The following FAM118B variants were observed in gnomAD, a reference collection of about 807,000 sequenced individuals.
The protein encoded by FAM118B is SIR2 antiphage like 1.
Under a neutral mutation model 38.5 loss-of-function variants are expected in FAM118B, and 24 were observed. The ratio of observed to expected loss-of-function variants is 0.62; its 90% CI spans 0.45 to 0.88. The LOEUF (loss-of-function observed/expected upper bound fraction) is 0.88. FAM118B is among the 40% of genes least tolerant of loss of function. The pLI is 0.00. For synonymous variants in FAM118B, 138 were observed against 156.3 expected, an observed-to-expected ratio of 0.88 and a Z score of 0.87; for missense variants, 334 against 420.0, an observed-to-expected ratio of 0.80 and a Z score of 1.79.
chr11:126,236,937 T>TA (rs1491111535), intron 3 of FAM118B, among the ~76,000 whole-genome samples: 2 of 107,244 alleles, frequency 1.9e-5, no homozygotes, highest in Non-Finnish European at 3.6e-5. Flanking sequence ...TTTTTTTTTT[T>TA]AGACAGAGTC....
At chr11:126,246,247 G>A (rs1950418155) in intron 4 of FAM118B, among the ~76,000 whole-genome samples, 3 of 151,994 alleles carry the variant, frequency 2.0e-5, no homozygotes, top group African/African-American at 2.4e-5. Context: ...TGTGTGTTTG[G>A]AAATGTCCAT....
chr11:126,256,515 T>C lies in FAM118B; in HGVS notation c.697-52T>C. On this transcript the variant is annotated intron_variant, in intron 6 of 8. Transcript: ENST00000533050. This position sits in a 1 kb window ranked among gnomAD's most constrained non-coding sequence, Gnocchi z 6.6. Reference sequence around the variant, plus strand: ...GTAGCATGACCTTCTTGTTTCAGACTTGCCTTGAGTGTGTCTTCACAATGT... The same window carrying C: ...GTAGCATGACCTTCTTGTTTCAGACCTGCCTTGAGTGTGTCTTCACAATGT... 1.3e-6 allele frequency: 2 copies of C among 1,560,268 alleles called. No homozygotes were observed. Among genetic ancestry groups the C allele is most frequent in the Non-Finnish European group, 1.7e-6 (2 of 1,143,462 alleles).
Position 126,229,281 on chromosome 11 carries a change from C to G in FAM118B, c.-20C>G, listed in dbSNP as rs1950179665. On this transcript the variant is annotated 5_prime_UTR_variant, in exon 2 of 9. Coordinates refer to ENST00000533050, the MANE Select transcript of FAM118B (RefSeq NM_024556.4). ...AAGCAGTGACAAAGAAAGAAGTTGT[C>G]ATTCTTTGCACGGTAAAATCATCAC... 6.6e-6 allele frequency: 1 copy of G among 152,174 alleles called. No individual in the cohort carries two copies. The highest frequency in any genetic ancestry group is 1.5e-5 in the Non-Finnish European group (1 of 68,026). The allele number at this position is 152,174 out of a possible 1,614,324, so 9.4% of individuals were successfully genotyped here.
intron 7 of FAM118B, among the ~76,000 whole-genome samples, chr11:126,259,609 T>C (rs1950642517): frequency 6.6e-6 from 1 of 151,416 alleles, no homozygotes; most frequent in Non-Finnish European, 1.5e-5. Flanking sequence ...GTATTTTTAG[T>C]AGAGATGGGG....
At chr11:126,258,126 G>T (rs1424307678) in intron 7 of FAM118B, among the ~76,000 whole-genome samples, 1 of 152,180 alleles carries the variant, frequency 6.6e-6, no homozygotes, top group Non-Finnish European at 1.5e-5. Flanking sequence ...AAAAGTACAG[G>T]TAATTTGTCC....
At chr11:126,242,493 A>T (rs1252503824) in intron 4 of FAM118B, among the ~76,000 whole-genome samples, 1 of 152,258 alleles carries the variant, frequency 6.6e-6, no homozygotes, top group East Asian at 1.9e-4. Context: ...CACATATCTC[A>T]TAGGCGTATA....
intron 1 of FAM118B, among the ~76,000 whole-genome samples, chr11:126,221,528 T>C (rs1267241751): frequency 6.6e-6 from 1 of 152,082 alleles, no homozygotes; most frequent in Admixed American, 6.5e-5. Context: ...TGAAGTACAG[T>C]CTGAAAGTAC....
At chr11:126,230,743 A>G (rs1427899530) in intron 2 of FAM118B, among the ~76,000 whole-genome samples, 1 of 152,194 alleles carries the variant, frequency 6.6e-6, no homozygotes, top group African/African-American at 2.4e-5. Context: ...CTGGACTTAC[A>G]GGAGAAACAT....
At chr11:126,246,600 G>T (rs553406459) in intron 4 of FAM118B, among the ~76,000 whole-genome samples, 1 of 152,010 alleles carries the variant, frequency 6.6e-6, no homozygotes, top group Admixed American at 6.6e-5. Flanking sequence ...GGGGGAACAG[G>T]TTTTTTTTCT....
At chr11:126,245,623 G>A (rs899626440) in intron 4 of FAM118B, among the ~76,000 whole-genome samples, 1 of 151,734 alleles carries the variant, frequency 6.6e-6, no homozygotes, top group Non-Finnish European at 1.5e-5. Flanking sequence ...GATCCCAGGA[G>A]TTCGAGGCTG....
In FAM118B at chr11:126,235,165, A is replaced by G. The variant is rs1221091872; in HGVS notation, c.86+78A>G. The G allele has an allele frequency of 3.4e-6, 4 of 1,175,036 alleles. No individual in the cohort carries two copies. In the South Asian group the frequency reaches 3.9e-5, roughly 11 times the overall value. The allele number at this position is 1,175,036 out of a possible 1,614,324, so 72.8% of individuals were successfully genotyped here. A position where few individuals can be genotyped will look rare whatever the true frequency, so the allele number is the denominator to read the frequency against. On this transcript the variant is annotated intron_variant, in intron 3 of 8. Transcript: ENST00000533050. The stretch of plus-strand genomic sequence containing the variant: ...GAAAAATAGCCAACTTATACCTTCT[A>G]TATCAGTTGTTTTCACTAATTAGTA...
chr11:126,253,950 C>G lies in FAM118B; in HGVS notation c.568-355C>G, dbSNP rs1259599074. Among the ~76,000 whole-genome samples, 2 of 152,206 alleles carry G rather than the reference C, an allele frequency of 1.3e-5. No individual in the cohort carries two copies. Among genetic ancestry groups the G allele is most frequent in the Non-Finnish European group, 2.9e-5 (2 of 68,036 alleles). On this transcript the variant is annotated intron_variant, in intron 5 of 8. Coordinates refer to ENST00000533050, the MANE Select transcript of FAM118B (RefSeq NM_024556.4). This position sits in a 1 kb window ranked among gnomAD's most constrained non-coding sequence, Gnocchi z 5.1. ...GGAGTCACTCCGAAGAGGGGCCACA[C>G]AAGGGCCTGGATACAGAGGCTTGAT...
rs913521455 is a variant in FAM118B, at chr11:126,228,194, T to G, written c.-76-1031T>G. 2.7e-5 allele frequency among the ~76,000 whole-genome samples: 4 copies of G among 148,676 alleles called. No individual in the cohort carries two copies. The East Asian group carries it at 8.0e-4, about 30-fold the overall frequency. On this transcript the variant is annotated intron_variant, in intron 1 of 8. Coordinates refer to ENST00000533050, the MANE Select transcript of FAM118B (RefSeq NM_024556.4). Reference sequence around the variant, plus strand: ...GAAGTGGAATGTATTTACTAAACATTTTTTTTTTTGGTTTTGTTTTTTGAG... The same window carrying G: ...GAAGTGGAATGTATTTACTAAACATGTTTTTTTTTGGTTTTGTTTTTTGAG...
rs1315750403 is a variant in FAM118B, at chr11:126,214,950, C to T, written c.-77+3120C>T. Among the ~76,000 whole-genome samples, 4 of 152,198 alleles carry T rather than the reference C, an allele frequency of 2.6e-5. No homozygotes were observed. The East Asian group carries it at 7.7e-4, about 29-fold the overall frequency. On this transcript the variant is annotated intron_variant, in intron 1 of 8. Transcript: ENST00000533050. ...TAAAGTTAAGTTACGCCTCCTCAAACTGTGATTTGCTAGTTGCAGATTAAC... is the reference window on the plus strand; with the variant it reads ...TAAAGTTAAGTTACGCCTCCTCAAATTGTGATTTGCTAGTTGCAGATTAAC...
At chr11:126,237,416 T>A (rs898416251) in intron 3 of FAM118B, among the ~76,000 whole-genome samples, 7 of 146,800 alleles carry the variant, frequency 4.8e-5, no homozygotes, top group Non-Finnish European at 1.1e-4. Context: ...ATTTATTTTT[T>A]AAATAAAGAC....
intron 4 of FAM118B, among the ~76,000 whole-genome samples, chr11:126,247,908 T>A: frequency 6.8e-6 from 1 of 146,084 alleles, no homozygotes; most frequent in East Asian, 2.0e-4. Flanking sequence ...TATACGTATA[T>A]CTATATAGAT....
At chr11:126,240,725 G>C (rs939284884) in intron 3 of FAM118B, 67 bp from the exon 4 acceptor site, 2 of 1,453,436 alleles carry the variant, frequency 1.4e-6, no homozygotes, top group African/African-American at 1.4e-5. Context: ...ACCTGAGTCA[G>C]ACAGTCTTTC....
rs991709883 is a variant in FAM118B at position 126,252,652 on chromosome 11, A to G, written c.568-1653A>G. On this transcript the variant is annotated intron_variant, in intron 5 of 8. Coordinates refer to ENST00000533050, the MANE Select transcript of FAM118B (RefSeq NM_024556.4). This position sits in a 1 kb window ranked among gnomAD's most constrained non-coding sequence, Gnocchi z 4.7. ...CAGCTACTTGGGAGGCTGAAGCAGG[A>G]CGATCGATTGAGCTGAGGCAGTCGA... Among the ~76,000 whole-genome samples the G allele has an allele frequency of 6.6e-6, 1 of 152,128 alleles. No individual in the cohort carries two copies. Among genetic ancestry groups the G allele is most frequent in the Non-Finnish European group, 1.5e-5 (1 of 68,026 alleles).
At position 126,235,011 on chromosome 11, in the gene FAM118B, A is replaced by G. The variant is rs1950254315; in HGVS notation, c.10A>G (p.Thr4Ala). Residue 4 changes from threonine (T) to alanine (A), a missense_variant, in exon 3 of 9, where the codon ACA becomes GCA. By Grantham distance (58) the Thr-to-Ala change is moderately conservative. This residue lies in a region of FAM118B where 240 missense variants were observed against 295.9 expected (regional missense o/e 0.81). Coordinates refer to ENST00000533050, the MANE Select transcript of FAM118B (RefSeq NM_024556.4). MASTGSQASDIDEI... is the reference protein window; with the variant it reads MASAGSQASDIDEI... ...CTATTTTAGAAACTGGATGGCTTCT[A>G]CAGGGAGCCAGGCCTCTGATATAGA... 1 of 1,613,936 alleles carries G rather than the reference A, an allele frequency of 6.2e-7. No homozygotes were observed. Among genetic ancestry groups the G allele is most frequent in the Non-Finnish European group, 8.5e-7 (1 of 1,179,860 alleles).
Sources: allele counts gnomAD v4.1 joint callset (sites outside exome capture counted in the v4.1 genomes callset), GRCh38; gene constraint gnomAD v4.1.1; regional missense constraint gnomAD v4.1.1; non-coding constraint Gnocchi (gnomAD v3.1); transcripts MANE v1.5; gene names NCBI Gene and HGNC (gene_info 2026-07-23, HGNC 2026-07-21).